GNA15: variants seen among roughly 807,000 people sequenced by gnomAD.
GNA15 encodes guanine nucleotide-binding protein subunit alpha-15.
GNA15 carries 23 observed loss-of-function variants against 40.1 expected under a neutral mutation model. The ratio of observed to expected loss-of-function variants is 0.57; its 90% CI spans 0.41 to 0.81. The LOEUF is 0.81. Among genes scored for constraint, GNA15 ranks in the 40% least tolerant of loss-of-function variants. The probability of loss-of-function intolerance (pLI) is 0.00; values close to 1 mark genes in which losing one functional copy is unlikely to be tolerated. For synonymous variants in GNA15, 226 were observed against 210.4 expected (o/e 1.07, Z -0.64); for missense variants, 522 against 515.8 (o/e 1.01, Z -0.12).
rs1006527408 is a variant in GNA15 at position 3,155,956 on chromosome 19, C to T, written c.744+4C>T. ...CCTGGAGGAGAACAACCAGGAGGTG[C>T]GCCACCGCCTCCCTCGCCCTGCCCA... On this transcript the variant is annotated splice_donor_region_variant and intron_variant, in intron 5 of 6. Coordinates refer to ENST00000262958, the MANE Select transcript of GNA15 (RefSeq NM_002068.4). This position sits in a 1 kb window ranked among gnomAD's most constrained non-coding sequence, Gnocchi z 5.6. 5.0e-6 allele frequency: 8 copies of T among 1,612,602 alleles called. No homozygotes were observed. Among genetic ancestry groups the T allele is most frequent in the Admixed American group, 1.7e-5 (1 of 59,904 alleles).
At position 3,150,199 on chromosome 19, in the gene GNA15, G is replaced by A. The variant is rs375875879; in HGVS notation, c.399G>A (p.Ala133=). The change falls in exon 3 of 7, where the codon GCG becomes GCA. Residue 133 remains alanine, a synonymous_variant. Transcript: ENST00000262958. ...KVTTFEKRYA[A]AMQWLWRDAG... ...CCACGTTTGAGAAGCGCTACGCTGC[G>A]GCCATGCAGTGGCTGTGGAGGGATG... The A allele has an allele frequency of 3.9e-4, 628 of 1,613,020 alleles. 10 individuals carry two copies. In the South Asian group the frequency reaches 6.5e-3, roughly 17 times the overall value.
At chr19:3,162,056 G>A (rs1555707737) in intron 6 of GNA15, among the ~76,000 whole-genome samples, 4 of 149,370 alleles carry the variant, frequency 2.7e-5, no homozygotes, top group East Asian at 2.0e-4. Flanking sequence ...TAATAATAAT[G>A]ATAATAATAA....
chr19:3,144,690 G>A (rs141533428), intron 1 of GNA15, among the ~76,000 whole-genome samples: 5,549 of 145,812 alleles, frequency 0.038, 154 homozygotes, highest in South Asian at 0.057. Flanking sequence ...CACCATGCCC[G>A]GTTAATTTTT....
intron 6 of GNA15, among the ~76,000 whole-genome samples, chr19:3,160,871 G>A (rs919007657): frequency 6.7e-6 from 1 of 150,346 alleles, no homozygotes; most frequent in African/African-American, 2.5e-5. Context: ...ATGCCTTTAT[G>A]TGTCCTCTCC....
chr19:3,147,520 T>G (rs918185600), intron 1 of GNA15, among the ~76,000 whole-genome samples: 5 of 149,180 alleles, frequency 3.4e-5, no homozygotes, highest in African/African-American at 1.2e-4. Flanking sequence ...GCCATTGCAC[T>G]CCAGCCTGGG....
At chr19:3,138,882 C>G (rs1242600624) in intron 1 of GNA15, among the ~76,000 whole-genome samples, 1 of 150,788 alleles carries the variant, frequency 6.6e-6, no homozygotes, top group African/African-American at 2.4e-5. Context: ...TGGTGATCAA[C>G]CCGCCTTGGC....
intron 1 of GNA15, among the ~76,000 whole-genome samples, chr19:3,137,630 A>T (rs544240390): frequency 2.6e-5 from 4 of 152,238 alleles, no homozygotes; most frequent in African/African-American, 7.2e-5. Context: ...AAAATACCAA[A>T]AATTAGCCAG....
chr19:3,148,658 G>A lies in GNA15; in HGVS notation c.213G>A (p.Ser71=), dbSNP rs753915324. ...QMRIIHGAGY[S]EEERKGFRPL... Reference sequence around the variant, plus strand: ...GGATCATCCACGGCGCCGGCTACTCGGAGGAGGAGCGCAAGGGCTTCCGGC... The same window carrying A: ...GGATCATCCACGGCGCCGGCTACTCAGAGGAGGAGCGCAAGGGCTTCCGGC... Residue 71 remains serine (S), a synonymous_variant, in exon 2 of 7, where the codon TCG becomes TCA. Transcript: ENST00000262958. 4.4e-6 allele frequency: 7 copies of A among 1,591,358 alleles called. No individual in the cohort carries two copies. The Admixed American group carries it at 5.3e-5, about 12-fold the overall frequency.
In GNA15 at chr19:3,149,137, A is replaced by C. The variant is rs192886584; in HGVS notation, c.330+362A>C. The C allele has an allele frequency of 6.4e-4, 151 of 235,084 alleles. 1 individual carries two copies. The highest frequency in any genetic ancestry group is 1.1e-3 in the Non-Finnish European group (127 of 117,204). The allele number at this position is 235,084 out of a possible 1,614,324, so 14.6% of individuals were successfully genotyped here. ...CACGTGCACACGTGTGCACACACAC[A>C]AATGCACACAAGGATCCATGCAGAT... On this transcript the variant is annotated intron_variant, in intron 2 of 6. Transcript: ENST00000262958.
chr19:3,150,385 TG>T (rs1396748590), intron 3 of GNA15, 100 bp downstream of exon 3: 2 of 1,067,632 alleles, frequency 1.9e-6, no homozygotes, highest in South Asian at 3.1e-5. Flanking sequence ...TGGGCGCAGA[TG>T]GGCTGTGAGG....
Position 3,136,260 on chromosome 19 carries a change from C to A in GNA15, c.-191C>A. 1 of 591,400 alleles carries A rather than the reference C, an allele frequency of 1.7e-6. No homozygotes were observed. The highest frequency in any genetic ancestry group is 2.9e-6 in the Non-Finnish European group (1 of 341,220). The allele number at this position is 591,400 out of a possible 1,614,324, so 36.6% of individuals were successfully genotyped here. A position where few individuals can be genotyped will look rare whatever the true frequency, so the allele number is the denominator to read the frequency against. ...TCCCAGCACTCAAGCCTTGCCACCG[C>A]CGAGCCGGGCTTCCTGGGTGTTTCA... On this transcript the variant is annotated 5_prime_UTR_variant, in exon 1 of 7. Coordinates refer to ENST00000262958, the MANE Select transcript of GNA15 (RefSeq NM_002068.4). This position sits in a 1 kb window ranked among gnomAD's most constrained non-coding sequence, Gnocchi z 4.9.
At chr19:3,156,512 A>G (rs1402003734) in intron 5 of GNA15, among the ~76,000 whole-genome samples, 1 of 151,904 alleles carries the variant, frequency 6.6e-6, no homozygotes, top group African/African-American at 2.4e-5. Flanking sequence ...ACATGCGTGC[A>G]CACACACATG....
At chr19:3,152,298 A>AGAGT (rs775433544) in intron 4 of GNA15, among the ~76,000 whole-genome samples, 40 of 152,222 alleles carry the variant, frequency 2.6e-4, no homozygotes, top group Non-Finnish European at 4.9e-4. Flanking sequence ...GAGCCAGGAC[A>AGAGT]GCGGGCGTGG....
intron 1 of GNA15, among the ~76,000 whole-genome samples, chr19:3,139,426 A>T (rs113926208): frequency 0.027 from 4,060 of 151,988 alleles, 79 homozygotes; most frequent in Middle Eastern, 0.058. Flanking sequence ...GTCTCTAAAA[A>T]AAATAAATAA....
chr19:3,138,746 TC>T (rs1914510550), intron 1 of GNA15, among the ~76,000 whole-genome samples: 1 of 151,498 alleles, frequency 6.6e-6, no homozygotes. Context: ...TTCTCCTGTC[TC>T]AGCCTCTTGA....
chr19:3,162,080 A>G lies in GNA15; in HGVS notation c.899-713A>G, dbSNP rs1915150599. ...TGATAATAATAATAAAATTGATAAC[A>G]GCAGCTAACACATCTACCGCACTGG... is the stretch of plus-strand genomic sequence containing the variant. On this transcript the variant is annotated intron_variant, in intron 6 of 6. Coordinates refer to ENST00000262958, the MANE Select transcript of GNA15 (RefSeq NM_002068.4). Among the ~76,000 whole-genome samples, 3 of 151,922 alleles carry G rather than the reference A, an allele frequency of 2.0e-5. No homozygotes were observed. In the South Asian group the frequency reaches 6.2e-4, roughly 32 times the overall value.
At chr19:3,143,658 T>A (rs1036499571) in intron 1 of GNA15, among the ~76,000 whole-genome samples, 3 of 150,884 alleles carry the variant, frequency 2.0e-5, no homozygotes, top group African/African-American at 4.9e-5. Flanking sequence ...GTCTCAAAAA[T>A]AATAATAATA....
At chr19:3,156,139 A>G (rs1394833786) in intron 5 of GNA15, among the ~76,000 whole-genome samples, 187 bp downstream of exon 5, 1 of 151,148 alleles carries the variant, frequency 6.6e-6, no homozygotes, top group Admixed American at 6.6e-5. Flanking sequence ...ACAGACCTAC[A>G]GCATTTGTTT....
At chr19:3,147,672 C>G (rs999932496) in intron 1 of GNA15, among the ~76,000 whole-genome samples, 2 of 151,788 alleles carry the variant, frequency 1.3e-5, no homozygotes, top group Admixed American at 6.6e-5. Context: ...TTTGGGAGGC[C>G]GAGGCGGGTG....
Sources: allele counts gnomAD v4.1 joint callset (sites outside exome capture counted in the v4.1 genomes callset), GRCh38; gene constraint gnomAD v4.1.1; non-coding constraint Gnocchi (gnomAD v3.1); transcripts MANE v1.5; gene names NCBI Gene and HGNC (gene_info 2026-07-23, HGNC 2026-07-21).